The following PRKG1 variants were observed in gnomAD, a reference collection of about 807,000 sequenced individuals.
PRKG1 encodes protein kinase cGMP-dependent 1.
A neutral mutation model predicts 88.1 loss-of-function variants in PRKG1; 35 were observed. The ratio of observed to expected loss-of-function variants is 0.40; its 90% CI spans 0.30 to 0.53. The LOEUF is 0.53. Among genes scored for constraint, PRKG1 ranks in the 20% least tolerant of loss-of-function variants. PRKG1 has a pLI of 0.59. For missense variants in PRKG1, 540 were observed against 839.8 expected (o/e 0.64, Z 4.41); for synonymous variants, 303 against 292.5 (o/e 1.04, Z -0.37).
chr10:51,409,162 G>A (rs991147127), intron 2 of PRKG1, among the ~76,000 whole-genome samples: 1 of 152,206 alleles, frequency 6.6e-6, no homozygotes, highest in African/African-American at 2.4e-5. Flanking sequence ...AAGGGGCTAT[G>A]CCGTAGCTGT....
In PRKG1 at chr10:51,387,628, A is replaced by G. The variant is rs139192577; in HGVS notation, c.479-80095A>G. Among the ~76,000 whole-genome samples the G allele has an allele frequency of 3.7e-3, 560 of 152,268 alleles. 3 individuals are homozygous for G. Among genetic ancestry groups the G allele is most frequent in the African/African-American group, 0.013 (541 of 41,568 alleles). On this transcript the variant is annotated intron_variant, in intron 2 of 17. Coordinates refer to ENST00000373980, the MANE Select transcript of PRKG1 (RefSeq NM_006258.4). ...GAATTGATATTGAAACATTCATATG[A>G]CAAATATTCGAAAGGCCAGCTTTTA...
intron 4 of PRKG1, among the ~76,000 whole-genome samples, chr10:51,881,031 G>A (rs1417205094): frequency 6.6e-6 from 1 of 151,622 alleles, no homozygotes; most frequent in Admixed American, 6.6e-5. Context: ...AGAAAAGGGG[G>A]GCAGATAGTA....
intron 9 of PRKG1, among the ~76,000 whole-genome samples, chr10:52,196,002 AT>A (rs1353161425): frequency 6.6e-6 from 1 of 151,894 alleles, no homozygotes; most frequent in Non-Finnish European, 1.5e-5. Context: ...ATGCAAAAAA[AT>A]GTTTTTTGTT....
chr10:52,293,974 G>T lies in PRKG1; in HGVS notation c.*74G>T. 3 of 1,285,570 alleles carry T rather than the reference G, an allele frequency of 2.3e-6. No individual in the cohort carries two copies. Among genetic ancestry groups the T allele is most frequent in the South Asian group, 1.3e-5 (1 of 79,774 alleles). The allele number at this position is 1,285,570 out of a possible 1,614,324, so 79.6% of individuals were successfully genotyped here. ...GACACAGCTGCCAGCAAACCTGAGG[G>T]AAAGAGAGAAGATTAGTGCTCGGGG... On this transcript the variant is annotated 3_prime_UTR_variant, in exon 18 of 18. Transcript: ENST00000373980.
intron 1 of PRKG1, among the ~76,000 whole-genome samples, chr10:51,032,461 A>G (rs1843296088): frequency 6.6e-6 from 1 of 152,044 alleles, no homozygotes. Context: ...AATGTAATAT[A>G]CAAATATTAT....
chr10:51,891,150 G>A (rs1466245342), intron 4 of PRKG1, among the ~76,000 whole-genome samples: 2 of 152,090 alleles, frequency 1.3e-5, no homozygotes, highest in Non-Finnish European at 2.9e-5. Flanking sequence ...TGTAGTCCCA[G>A]CTACTTGGGA....
intron 6 of PRKG1, among the ~76,000 whole-genome samples, chr10:52,059,569 C>A (rs1846187948): frequency 6.6e-6 from 1 of 151,794 alleles, no homozygotes; most frequent in Non-Finnish European, 1.5e-5. Flanking sequence ...ATTTATATGG[C>A]ATTCTCAAAA....
At chr10:51,077,272 G>C (rs1416598879) in intron 1 of PRKG1, among the ~76,000 whole-genome samples, 2 of 152,250 alleles carry the variant, frequency 1.3e-5, no homozygotes, top group Middle Eastern at 6.8e-3. Flanking sequence ...TTGTGTCTTT[G>C]TATTTCATCT....
chr10:51,443,100 T>G (rs1839170122), intron 2 of PRKG1, among the ~76,000 whole-genome samples: 1 of 152,026 alleles, frequency 6.6e-6, no homozygotes, highest in South Asian at 2.1e-4. Flanking sequence ...ATGAGATATA[T>G]TGTTATGGGA....
chr10:51,433,942 A>G (rs1196481932), intron 2 of PRKG1, among the ~76,000 whole-genome samples: 1 of 152,092 alleles, frequency 6.6e-6, no homozygotes, highest in African/African-American at 2.4e-5. Context: ...AACAGGTATT[A>G]AAACCTTTAC....
chr10:52,029,304 T>C (rs1335745622), intron 5 of PRKG1, among the ~76,000 whole-genome samples: 1 of 152,240 alleles, frequency 6.6e-6, no homozygotes, highest in Non-Finnish European at 1.5e-5. Context: ...TTGTTTCATC[T>C]TGTTTGACTT....
At chr10:51,422,424 C>T (rs981083564) in intron 2 of PRKG1, among the ~76,000 whole-genome samples, 2 of 152,162 alleles carry the variant, frequency 1.3e-5, no homozygotes, top group African/African-American at 4.8e-5. Context: ...CACGTGTTTT[C>T]ATGGGCCAGT....
intron 2 of PRKG1, among the ~76,000 whole-genome samples, chr10:51,340,640 TA>T (rs1841983952): frequency 6.6e-6 from 1 of 152,198 alleles, no homozygotes. Flanking sequence ...AAATCACTCC[TA>T]AGCCAAACCA....
intron 3 of PRKG1, among the ~76,000 whole-genome samples, chr10:51,517,072 A>G (rs1462532228): frequency 2.6e-5 from 4 of 152,236 alleles, no homozygotes; most frequent in South Asian, 2.1e-4. Context: ...CTAAAGCCCT[A>G]TAAATTAGAC....
chr10:51,997,698 C>T (rs761275009), intron 5 of PRKG1, among the ~76,000 whole-genome samples: 69 of 152,118 alleles, frequency 4.5e-4, no homozygotes, highest in Non-Finnish European at 7.8e-4. Flanking sequence ...TAAATACATA[C>T]ATACAATTTT....
chr10:50,991,724 G>A lies in PRKG1; in HGVS notation c.266+80G>A. 9.2e-7 allele frequency: 1 copy of A among 1,081,252 alleles called. No homozygotes were observed. The highest frequency in any genetic ancestry group is 1.1e-6 in the Non-Finnish European group (1 of 884,176). 67.0% of individuals were successfully genotyped at this position (1,081,252 alleles called of 1,614,324 possible). ...TGGGGGCTCTGGCCGCGGCGGCGGG[G>A]GCGGGTCGGCCCAGGGCGCCCCCTG... On this transcript the variant is annotated intron_variant, in intron 1 of 17. Transcript: ENST00000401604. The surrounding 1 kb of genome is among the most constrained non-coding windows in gnomAD (Gnocchi z 4.5).
rs573613023 is a variant in PRKG1, at chr10:52,148,298, A to G, written c.1002-13591A>G. On this transcript the variant is annotated intron_variant, in intron 8 of 17. Transcript: ENST00000373980. ...TCAGGGATGCTGTTAACCATCCTAC[A>G]ATGCACAGGACAGCTCCCTAAAACA... Among the ~76,000 whole-genome samples the G allele has an allele frequency of 2.0e-3, 311 of 152,262 alleles. 1 individual carries two copies. The highest frequency in any genetic ancestry group is 7.2e-3 in the African/African-American group (299 of 41,552).
chr10:51,617,331 A>T (rs540444010), intron 3 of PRKG1, among the ~76,000 whole-genome samples: 2 of 151,722 alleles, frequency 1.3e-5, no homozygotes, highest in African/African-American at 4.8e-5. Flanking sequence ...TCTCTTTTGG[A>T]TGATCTATTT....
chr10:52,087,056 G>A (rs1476466543), intron 7 of PRKG1, among the ~76,000 whole-genome samples: 2 of 152,108 alleles, frequency 1.3e-5, no homozygotes, highest in Admixed American at 6.6e-5. Context: ...ATGACATGTG[G>A]GGATTATAGG....
Sources: allele counts gnomAD v4.1 joint callset (sites outside exome capture counted in the v4.1 genomes callset), GRCh38; gene constraint gnomAD v4.1.1; non-coding constraint Gnocchi (gnomAD v3.1); transcripts MANE v1.5; gene names NCBI Gene and HGNC (gene_info 2026-07-23, HGNC 2026-07-21).